Variants in TCERG1L observed in about 807,000 individuals in gnomAD.
TCERG1L encodes transcription elongation regulator 1 like, also known as transcription elongation regulator 1-like protein.
A neutral mutation model predicts 56.3 loss-of-function variants in TCERG1L; 37 were observed. The observed-to-expected ratio is 0.66, with a 90% CI of 0.51 to 0.87. The LOEUF (loss-of-function observed/expected upper bound fraction) is 0.87. Ranked by LOEUF, TCERG1L falls within the 40% of genes least tolerant of loss-of-function variation. The pLI, the probability that TCERG1L is intolerant of heterozygous loss-of-function variation, is 0.00. For missense variants in TCERG1L, 799 were observed against 774.2 expected (o/e 1.03, Z -0.38); for synonymous variants, 324 against 326.3 (o/e 0.99, Z 0.08).
chr10:131,258,834 G>A (rs924132934), intron 4 of TCERG1L, among the ~76,000 whole-genome samples: 1 of 152,166 alleles, frequency 6.6e-6, no homozygotes, highest in Non-Finnish European at 1.5e-5. Context: ...TCATGTCAGA[G>A]ATATGGAAAG....
In TCERG1L at chr10:131,267,654, G is replaced by A. The variant is rs1233769264; in HGVS notation, c.671-7210C>T. 6.6e-6 allele frequency among the ~76,000 whole-genome samples: 1 copy of A among 152,220 alleles called. No individual in the cohort carries two copies. The highest frequency in any genetic ancestry group is 2.4e-5 in the African/African-American group (1 of 41,460). ...GGTGCTTATGGGCTCCCAGGACATG[G>A]CAGAGTGTGAGGTTGAAGCTGTGGC... On this transcript the variant is annotated intron_variant, in intron 3 of 11. Coordinates refer to ENST00000368642, the MANE Select transcript of TCERG1L (RefSeq NM_174937.4). This position sits in a 1 kb window ranked among gnomAD's most constrained non-coding sequence, Gnocchi z 4.9.
intron 4 of TCERG1L, among the ~76,000 whole-genome samples, chr10:131,205,665 G>A (rs1402900480): frequency 6.6e-6 from 1 of 152,210 alleles, no homozygotes; most frequent in Non-Finnish European, 1.5e-5. Flanking sequence ...GGGTCATGGG[G>A]CCACCCTGGC....
At chr10:131,157,872 T>G (rs530400035) in intron 6 of TCERG1L, among the ~76,000 whole-genome samples, 1 of 152,188 alleles carries the variant, frequency 6.6e-6, no homozygotes, top group Non-Finnish European at 1.5e-5. Context: ...GTGGAATAGG[T>G]TTTCAGATAG....
At chr10:131,309,037 C>T (rs1846847407) in intron 2 of TCERG1L, 116 bp downstream of exon 2, 1 of 1,208,876 alleles carries the variant, frequency 8.3e-7, no homozygotes, top group Non-Finnish European at 1.1e-6. Context: ...ATTTCTATAC[C>T]TAGATGGCCA....
At chr10:131,156,894 C>A (rs374579913) in intron 6 of TCERG1L, among the ~76,000 whole-genome samples, 1 of 152,118 alleles carries the variant, frequency 6.6e-6, no homozygotes, top group Non-Finnish European at 1.5e-5. Flanking sequence ...TGCCCCTGGC[C>A]GAATAAACCC....
chr10:131,129,549 C>T (rs1845596907), intron 8 of TCERG1L, among the ~76,000 whole-genome samples: 1 of 152,184 alleles, frequency 6.6e-6, no homozygotes, highest in African/African-American at 2.4e-5. Flanking sequence ...ATAACAATTA[C>T]TCCTTAATTG....
intron 6 of TCERG1L, among the ~76,000 whole-genome samples, chr10:131,151,403 G>C (rs1271354393): frequency 4.8e-5 from 7 of 145,174 alleles, no homozygotes; most frequent in Admixed American, 2.1e-4. Flanking sequence ...TAGGCCCCAT[G>C]CAAGTCCAAA....
rs543297597 is a variant in TCERG1L, at chr10:131,267,353, C to T, written c.671-6909G>A. 6.6e-6 allele frequency among the ~76,000 whole-genome samples: 1 copy of T among 152,312 alleles called. No individual in the cohort carries two copies. Among genetic ancestry groups the T allele is most frequent in the East Asian group, 1.9e-4 (1 of 5,178 alleles). On this transcript the variant is annotated intron_variant, in intron 3 of 11. Transcript: ENST00000368642. This position sits in a 1 kb window ranked among gnomAD's most constrained non-coding sequence, Gnocchi z 4.9. ...GTAAGCACTGGAAGCAGGGAGAGGC[C>T]AGGCAGCAGGAGCAGATACCCCCAA...
intron 4 of TCERG1L, among the ~76,000 whole-genome samples, chr10:131,170,556 T>C (rs765895101): frequency 6.6e-5 from 10 of 152,046 alleles, no homozygotes; most frequent in Non-Finnish European, 1.3e-4. Context: ...ATTTTCCTCC[T>C]GGCAGTGATG....
At chr10:131,158,870 G>C (rs1845949236) in intron 6 of TCERG1L, among the ~76,000 whole-genome samples, 1 of 152,216 alleles carries the variant, frequency 6.6e-6, no homozygotes, top group Non-Finnish European at 1.5e-5. Flanking sequence ...CCGCGAGAGG[G>C]AGGAGAGTCA....
chr10:131,108,868 G>A (rs1424497626), intron 9 of TCERG1L, among the ~76,000 whole-genome samples: 1 of 152,200 alleles, frequency 6.6e-6, no homozygotes, highest in East Asian at 1.9e-4. Flanking sequence ...AGCCAGCTAA[G>A]AGCCAATCTT....
chr10:131,284,629 G>A (rs2133566044), intron 3 of TCERG1L, among the ~76,000 whole-genome samples: 1 of 151,980 alleles, frequency 6.6e-6, no homozygotes, highest in African/African-American at 2.4e-5. Context: ...TAATAAAATG[G>A]ACAAACCTCT....
At chr10:131,137,901 A>T (rs1168980389) in intron 7 of TCERG1L, among the ~76,000 whole-genome samples, 1 of 152,160 alleles carries the variant, frequency 6.6e-6, no homozygotes, top group East Asian at 1.9e-4. Context: ...GTCAAGCTGT[A>T]GGGGGATTAG....
chr10:131,192,410 G>T lies in TCERG1L; in HGVS notation c.857-25525C>A, dbSNP rs972352184. On this transcript the variant is annotated intron_variant, in intron 4 of 11. Coordinates refer to ENST00000368642, the MANE Select transcript of TCERG1L (RefSeq NM_174937.4). Reference sequence around the variant, plus strand: ...AAAAGGGACTCCTTTTACACTGCTGGTGGAAAGGGAAATTGGAACAACCCT... The same window carrying T: ...AAAAGGGACTCCTTTTACACTGCTGTTGGAAAGGGAAATTGGAACAACCCT... Among the ~76,000 whole-genome samples, 6 of 144,308 alleles carry T rather than the reference G, an allele frequency of 4.2e-5. 2 individuals are homozygous for T. Among genetic ancestry groups the T allele is most frequent in the Non-Finnish European group, 9.2e-5 (6 of 65,416 alleles). 94.7% of individuals were successfully genotyped at this position (144,308 alleles called of 152,430 possible).
At chr10:131,134,572 G>C (rs750776376) in intron 7 of TCERG1L, 124 bp from the exon 8 acceptor site, 2 of 717,054 alleles carry the variant, frequency 2.8e-6, no homozygotes, top group Non-Finnish European at 4.8e-6. Flanking sequence ...TTCTCTTAAA[G>C]ATTGATGTGA....
At chr10:131,271,475 C>A (rs775136921) in intron 3 of TCERG1L, among the ~76,000 whole-genome samples, 50 of 152,228 alleles carry the variant, frequency 3.3e-4, no homozygotes, top group Admixed American at 7.2e-4. Flanking sequence ...CTGACCCCAG[C>A]CAGACCCTCC....
intron 4 of TCERG1L, among the ~76,000 whole-genome samples, chr10:131,250,092 G>A (rs1440649427): frequency 6.6e-6 from 1 of 152,178 alleles, no homozygotes; most frequent in Non-Finnish European, 1.5e-5. Context: ...CCAGGCAGGA[G>A]CCCAGCCGAC....
At chr10:131,156,012 C>G (rs1403018612) in intron 6 of TCERG1L, 1 of 152,234 alleles carries the variant, frequency 6.6e-6, no homozygotes. Flanking sequence ...CTCTTCAGCA[C>G]TACTTACTCA....
Position 131,148,343 on chromosome 10 carries a change from C to T in TCERG1L, c.1035-1683G>A, listed in dbSNP as rs529829179. 4.2e-5 allele frequency among the ~76,000 whole-genome samples: 6 copies of T among 141,944 alleles called. No homozygotes were observed. The South Asian group carries it at 1.5e-3, about 35-fold the overall frequency. 93.1% of individuals were successfully genotyped at this position (141,944 alleles called of 152,430 possible). On this transcript the variant is annotated intron_variant, in intron 6 of 11. Transcript: ENST00000368642. ...ACACACAAACACACATACACACAAACAGACACACAGAGACACACATGCACA... is the reference window on the plus strand; with the variant it reads ...ACACACAAACACACATACACACAAATAGACACACAGAGACACACATGCACA...
Sources: gnomAD v4.1 joint callset for allele counts (sites outside exome capture counted in the v4.1 genomes callset) on GRCh38, gnomAD v4.1.1 for gene constraint, Gnocchi (gnomAD v3.1) non-coding constraint, MANE v1.5 for transcripts, NCBI Gene and HGNC (gene_info 2026-07-23, HGNC 2026-07-21) for gene names.